The following PLPP1 variants were observed in gnomAD, a reference collection of about 807,000 sequenced individuals.
PLPP1 encodes the protein phospholipid phosphatase 1.
Under a neutral mutation model 31.2 loss-of-function variants are expected in PLPP1, and 24 were observed. That is an observed-to-expected ratio of 0.77 (90% CI 0.56 to 1.08). The LOEUF (loss-of-function observed/expected upper bound fraction) is 1.08, where lower values mean the gene tolerates loss of function less well. Ranked by LOEUF, PLPP1 falls within the 50% of genes least tolerant of loss-of-function variation. The probability of loss-of-function intolerance (pLI) is 0.00; values close to 1 mark genes in which losing one functional copy is unlikely to be tolerated. For synonymous variants in PLPP1, 146 were observed against 126.3 expected, an observed-to-expected ratio of 1.16 and a Z score of -1.05; for missense variants, 319 against 342.7, an observed-to-expected ratio of 0.93 and a Z score of 0.55.
intron 4 of PLPP1, among the ~76,000 whole-genome samples, chr5:55,438,119 C>T (rs1441528647): frequency 1.3e-5 from 2 of 152,028 alleles, no homozygotes; most frequent in Admixed American, 6.5e-5. Context: ...GTTACAGCCT[C>T]AATAGAAGGG....
chr5:55,506,010 T>A (rs182133606), intron 1 of PLPP1, among the ~76,000 whole-genome samples: 1 of 152,128 alleles, frequency 6.6e-6, no homozygotes, highest in African/African-American at 2.4e-5. Flanking sequence ...GGAGCTGAGA[T>A]CACGCCACTG....
At chr5:55,463,833 A>G (rs1396332137) in intron 3 of PLPP1, among the ~76,000 whole-genome samples, 1 of 145,456 alleles carries the variant, frequency 6.9e-6, no homozygotes, top group African/African-American at 2.5e-5. Flanking sequence ...AAATAAATAA[A>G]TAAGAAAATA....
At chr5:55,430,794 T>G (rs898951159) in intron 4 of PLPP1, among the ~76,000 whole-genome samples, 1 of 151,656 alleles carries the variant, frequency 6.6e-6, no homozygotes, top group African/African-American at 2.4e-5. Context: ...CAAAAAAAAT[T>G]GAAAAAGCTC....
chr5:55,476,417 G>A (rs181845544), intron 1 of PLPP1, among the ~76,000 whole-genome samples: 13 of 152,258 alleles, frequency 8.5e-5, no homozygotes, highest in African/African-American at 2.6e-4. Context: ...TAAAGATCAT[G>A]TCTTATACTC....
At chr5:55,502,324 G>A (rs1347744684) in intron 1 of PLPP1, among the ~76,000 whole-genome samples, 2 of 151,954 alleles carry the variant, frequency 1.3e-5, no homozygotes, top group Non-Finnish European at 1.5e-5. Context: ...CCGTCTCTAC[G>A]AAAAAGACAA....
intron 4 of PLPP1, 124 bp from the exon 5 acceptor site, chr5:55,426,163 G>A: frequency 1.2e-6 from 1 of 827,580 alleles, no homozygotes. Flanking sequence ...GGACTTCTAG[G>A]CAAACATTCA....
chr5:55,471,712 G>A (rs148090520), intron 2 of PLPP1, among the ~76,000 whole-genome samples: 1 of 152,202 alleles, frequency 6.6e-6, no homozygotes, highest in Non-Finnish European at 1.5e-5. Flanking sequence ...TAATCACAGG[G>A]ATTTTTTTAA....
chr5:55,486,272 G>A (rs1028303044), intron 1 of PLPP1, among the ~76,000 whole-genome samples: 5 of 152,078 alleles, frequency 3.3e-5, no homozygotes, highest in African/African-American at 1.2e-4. Context: ...GTAGTCATCT[G>A]TTTTTCACTA....
At chr5:55,516,102 A>C (rs1753550286) in intron 1 of PLPP1, among the ~76,000 whole-genome samples, 1 of 152,168 alleles carries the variant, frequency 6.6e-6, no homozygotes, top group Non-Finnish European at 1.5e-5. Context: ...CAGAAGCTTC[A>C]GAACTATTCT....
rs1486908455 is a variant in PLPP1, at chr5:55,514,609, T to TA, written c.58+19962dup. Among the ~76,000 whole-genome samples, 3 of 152,228 alleles carry TA rather than the reference T, an allele frequency of 2.0e-5. No homozygotes were observed. In the East Asian group the frequency reaches 5.8e-4, roughly 29 times the overall value. Reference sequence around the variant, plus strand: ...CTCAGAAGGAAAACATAAAAACTCTTACTCTGGCAGGAAGTTACCAAATTG... The same window carrying TA: ...CTCAGAAGGAAAACATAAAAACTCTTAACTCTGGCAGGAAGTTACCAAATTG... On this transcript the variant is annotated intron_variant, in intron 1 of 5. Transcript: ENST00000307259.
intron 4 of PLPP1, among the ~76,000 whole-genome samples, chr5:55,429,561 C>T (rs901959053): frequency 1.3e-5 from 2 of 152,084 alleles, no homozygotes; most frequent in Admixed American, 6.5e-5. Context: ...AAACAGGGAA[C>T]TTGGGGACTG....
At chr5:55,446,622 G>A (rs1281087238) in intron 3 of PLPP1, among the ~76,000 whole-genome samples, 3 of 152,170 alleles carry the variant, frequency 2.0e-5, no homozygotes, top group Non-Finnish European at 4.4e-5. Context: ...GGGAATCTTT[G>A]AGCCTTGGTT....
At chr5:55,440,801 A>G (rs1170745440) in intron 4 of PLPP1, among the ~76,000 whole-genome samples, 1 of 152,192 alleles carries the variant, frequency 6.6e-6, no homozygotes, top group African/African-American at 2.4e-5. Context: ...CCATTAGTTT[A>G]CCCTTAATGT....
intron 1 of PLPP1, among the ~76,000 whole-genome samples, chr5:55,483,411 C>G (rs1305347483): frequency 6.6e-6 from 1 of 152,088 alleles, no homozygotes; most frequent in African/African-American, 2.4e-5. Context: ...CGGCTCATGC[C>G]TGTAATCCCA....
At chr5:55,502,369 C>T (rs1184841337) in intron 1 of PLPP1, among the ~76,000 whole-genome samples, 1 of 152,162 alleles carries the variant, frequency 6.6e-6, no homozygotes, top group Admixed American at 6.5e-5. Context: ...CACCTGTAGT[C>T]CCAGCTACTC....
intron 4 of PLPP1, among the ~76,000 whole-genome samples, chr5:55,436,082 A>G (rs1185709292): frequency 6.6e-6 from 1 of 151,650 alleles, no homozygotes; most frequent in Non-Finnish European, 1.5e-5. Flanking sequence ...GCAATTTCCT[A>G]TTTCTTAGAG....
chr5:55,513,095 A>G (rs866507663), intron 1 of PLPP1, among the ~76,000 whole-genome samples: 1 of 152,128 alleles, frequency 6.6e-6, no homozygotes, highest in Non-Finnish European at 1.5e-5. Flanking sequence ...CTCTCTTTGA[A>G]CCAACAATGA....
chr5:55,433,281 G>T (rs1426822068), intron 4 of PLPP1, among the ~76,000 whole-genome samples: 1 of 150,622 alleles, frequency 6.6e-6, no homozygotes, highest in East Asian at 2.0e-4. Flanking sequence ...AGCTGAGATC[G>T]TGTCACTGCA....
intron 1 of PLPP1, chr5:55,490,919 G>A: frequency 3.8e-6 from 6 of 1,568,812 alleles, no homozygotes; most frequent in Non-Finnish European, 5.2e-6. Context: ...CCAACCTCCA[G>A]CACAACAAAC....
Sources: allele counts gnomAD v4.1 joint callset (sites outside exome capture counted in the v4.1 genomes callset), GRCh38; gene constraint gnomAD v4.1.1; transcripts MANE v1.5; gene names NCBI Gene and HGNC (gene_info 2026-07-23, HGNC 2026-07-21).